The following ATP11B variants were observed in gnomAD, a reference collection of about 807,000 sequenced individuals.
ATP11B encodes the protein phospholipid-transporting ATPase IF.
A neutral mutation model predicts 157.8 loss-of-function variants in ATP11B; 81 were observed. That is an observed-to-expected ratio of 0.51 (90% CI 0.43 to 0.62). The LOEUF is 0.62. Among genes scored for constraint, ATP11B ranks in the 20% least tolerant of loss-of-function variants. The pLI, the probability that ATP11B is intolerant of heterozygous loss-of-function variation, is 0.00. For missense variants in ATP11B, 1,165 were observed against 1,402.2 expected, an observed-to-expected ratio of 0.83 and a Z score of 2.70; for synonymous variants, 451 against 469.4, an observed-to-expected ratio of 0.96 and a Z score of 0.51.
chr3:182,831,627 C>G (rs190104196), intron 4 of ATP11B, among the ~76,000 whole-genome samples: 9 of 151,790 alleles, frequency 5.9e-5, no homozygotes, highest in Admixed American at 3.3e-4. Flanking sequence ...TACTTGTCCT[C>G]GAACACAGTA....
At chr3:182,838,408 C>A (rs1201115548) in intron 7 of ATP11B, among the ~76,000 whole-genome samples, 2 of 151,782 alleles carry the variant, frequency 1.3e-5, no homozygotes, top group Non-Finnish European at 2.9e-5. Context: ...ATAACTAATG[C>A]TTTGGTGTAT....
chr3:182,802,370 A>G (rs752721056), intron 1 of ATP11B, among the ~76,000 whole-genome samples: 1 of 152,082 alleles, frequency 6.6e-6, no homozygotes, highest in Non-Finnish European at 1.5e-5. Flanking sequence ...AAGATTTTCC[A>G]AGTGCTTGCT....
chr3:182,825,441 A>G (rs187749874), intron 2 of ATP11B, among the ~76,000 whole-genome samples: 1 of 152,238 alleles, frequency 6.6e-6, no homozygotes, highest in African/African-American at 2.4e-5. Context: ...TTCTTTGGCC[A>G]TGTGTAGTGG....
At chr3:182,811,896 A>G (rs1417966785) in intron 1 of ATP11B, among the ~76,000 whole-genome samples, 1 of 152,162 alleles carries the variant, frequency 6.6e-6, no homozygotes, top group Non-Finnish European at 1.5e-5. Context: ...ACTGGTACAA[A>G]GTAGTTGGTT....
In ATP11B at chr3:182,793,600, G is replaced by GGATGGGGACGCGGCGC; in HGVS notation, c.-158_-143dup. ...TGTAGGACTCGGGGCCGACGCCGCGGGATGGGGACGCGGCGCGGGGAGTGA... is the reference window on the plus strand; with the variant it reads ...TGTAGGACTCGGGGCCGACGCCGCGGGATGGGGACGCGGCGCGATGGGGACGCGGCGCGGGGAGTGA... On this transcript the variant is annotated 5_prime_UTR_variant, in exon 1 of 30. In the 5' UTR this introduces an upstream ATG that the reference lacks. Transcript: ENST00000323116. 2.5e-6 allele frequency: 1 copy of GGATGGGGACGCGGCGC among 399,816 alleles called. No homozygotes were observed. The highest frequency in any genetic ancestry group is 4.3e-6 in the Non-Finnish European group (1 of 230,460). 24.8% of individuals were successfully genotyped at this position (399,816 alleles called of 1,614,324 possible).
At position 182,863,712 on chromosome 3, in the gene ATP11B, T is replaced by G. The variant is rs545556611; in HGVS notation, c.1201-1744T>G. On this transcript the variant is annotated intron_variant, in intron 12 of 29. Transcript: ENST00000323116. ...AGATTAAACTTCTTGATTTTATATA[T>G]ATATATATACTTTTAAATCAAAGTT... 9.7e-4 allele frequency among the ~76,000 whole-genome samples: 147 copies of G among 152,040 alleles called. 1 individual carries two copies. The highest frequency in any genetic ancestry group is 1.7e-3 in the Non-Finnish European group (114 of 67,936).
chr3:182,856,078 A>G (rs1720375036), intron 10 of ATP11B, among the ~76,000 whole-genome samples: 1 of 152,212 alleles, frequency 6.6e-6, no homozygotes, highest in South Asian at 2.1e-4. Flanking sequence ...AACCTCAAGC[A>G]GAAATGTACA....
chr3:182,810,919 T>A (rs904440420), intron 1 of ATP11B, among the ~76,000 whole-genome samples: 1 of 152,210 alleles, frequency 6.6e-6, no homozygotes, highest in African/African-American at 2.4e-5. Flanking sequence ...TATTTCTTCC[T>A]TTTTAAAATC....
intron 1 of ATP11B, among the ~76,000 whole-genome samples, chr3:182,812,631 G>A (rs1158002355): frequency 6.6e-6 from 1 of 152,184 alleles, no homozygotes; most frequent in African/African-American, 2.4e-5. Context: ...TATCATGGTT[G>A]AATTATGGCC....
chr3:182,811,410 G>C (rs115939933), intron 1 of ATP11B, among the ~76,000 whole-genome samples: 1,783 of 152,246 alleles, frequency 0.012, 37 homozygotes, highest in African/African-American at 0.042. Flanking sequence ...GCAAGGCTCT[G>C]CAATCCATTA....
chr3:182,842,501 GCCCT>G (rs1255890722), intron 8 of ATP11B, among the ~76,000 whole-genome samples: 1 of 152,142 alleles, frequency 6.6e-6, no homozygotes, highest in African/African-American at 2.4e-5. Flanking sequence ...ACCTCTGGAA[GCCCT>G]CCCATCCCAT....
At position 182,814,543 on chromosome 3, in the gene ATP11B, C is replaced by T. The variant is rs1416419933; in HGVS notation, c.28-5717C>T. On this transcript the variant is annotated intron_variant, in intron 1 of 29. Transcript: ENST00000323116. ...ACAATCTGAGCAGAGCACAGTGGCT[C>T]ACAGCTGTAATCCCAGCACTTTGGG... Among the ~76,000 whole-genome samples the T allele has an allele frequency of 2.0e-5, 3 of 152,128 alleles. 1 individual carries two copies. Among genetic ancestry groups the T allele is most frequent in the Non-Finnish European group, 4.4e-5 (3 of 68,016 alleles).
chr3:182,881,739 CT>C (rs1367172270), intron 21 of ATP11B, among the ~76,000 whole-genome samples: 1 of 151,750 alleles, frequency 6.6e-6, no homozygotes, highest in African/African-American at 2.4e-5. Flanking sequence ...TTATTTTATC[CT>C]TTTTAAATTC....
At position 182,869,062 on chromosome 3, in the gene ATP11B, ACTTT is replaced by A; in HGVS notation, c.1689-11_1689-8del. The A allele has an allele frequency of 6.4e-7, 1 of 1,558,880 alleles. No individual in the cohort carries two copies. The highest frequency in any genetic ancestry group is 8.7e-7 in the Non-Finnish European group (1 of 1,147,664). Reference sequence around the variant, plus strand: ...AAAAAGTAAAGTTTTTGTCTTTCTTACTTTCTTTTGTTTAGGTACAAACTGCTTC... The same window carrying A: ...AAAAAGTAAAGTTTTTGTCTTTCTTACTTTTGTTTAGGTACAAACTGCTTC... On this transcript the variant is annotated splice_polypyrimidine_tract_variant and intron_variant, in intron 15 of 29. Transcript: ENST00000323116.
At chr3:182,900,312 T>C (rs1051122042) in intron 28 of ATP11B, among the ~76,000 whole-genome samples, 4 of 152,134 alleles carry the variant, frequency 2.6e-5, no homozygotes, top group Non-Finnish European at 5.9e-5. Flanking sequence ...ATCAGAAAAA[T>C]AATTGCTACT....
rs761690347 is a variant in ATP11B at position 182,913,894 on chromosome 3, G to GA, written c.3353dup (p.Asp1118GlufsTer28). The GA allele has an allele frequency of 6.2e-7, 1 of 1,614,116 alleles. No homozygotes were observed. Among genetic ancestry groups the GA allele is most frequent in the Admixed American group, 1.7e-5 (1 of 60,018 alleles). On this transcript the variant is annotated frameshift_variant, in exon 29 of 30. Coordinates refer to ENST00000323116, the MANE Select transcript of ATP11B (RefSeq NM_014616.3). LOFTEE classifies it high-confidence loss of function. ...AACAAATGCAGGTATCAAGTGCTTG[G>GA]ACTCCATGTGCTGTTTCCCGGAAGG...
intron 19 of ATP11B, among the ~76,000 whole-genome samples, chr3:182,875,683 T>C (rs1395269673): frequency 6.6e-6 from 1 of 152,154 alleles, no homozygotes; most frequent in Non-Finnish European, 1.5e-5. Context: ...TCAGGTGATC[T>C]GCCTGCCTTG....
chr3:182,893,315 A>G (rs960134166), intron 25 of ATP11B, among the ~76,000 whole-genome samples: 5 of 151,992 alleles, frequency 3.3e-5, no homozygotes, highest in Admixed American at 1.3e-4. Context: ...ATTGTACCCA[A>G]TGTGTAGTCT....
rs375760541 is a variant in ATP11B, at chr3:182,918,122, G to A, written c.*18G>A. On this transcript the variant is annotated 3_prime_UTR_variant, in exon 30 of 30. Transcript: ENST00000323116. ...CTTGTTAAAGGGGCAGTAGTACTTT[G>A]TGGGAGCCAGTTCACCTCCTTTCCT... 1.9e-6 allele frequency: 3 copies of A among 1,611,518 alleles called. No individual in the cohort carries two copies. In the African/African-American group the frequency reaches 4.0e-5, roughly 22 times the overall value.
Sources: gnomAD v4.1 joint callset for allele counts (sites outside exome capture counted in the v4.1 genomes callset) on GRCh38, gnomAD v4.1.1 for gene constraint, MANE v1.5 for transcripts, NCBI Gene and HGNC (gene_info 2026-07-23, HGNC 2026-07-21) for gene names.